GLIS3: variants seen among roughly 807,000 people sequenced by gnomAD.
The protein encoded by GLIS3 is GLIS family zinc finger 3.
GLIS3 carries 53 observed loss-of-function variants against 78.6 expected under a neutral mutation model. The observed-to-expected ratio is 0.67, with a 90% CI of 0.54 to 0.85. The LOEUF is 0.85. GLIS3 is among the 40% of genes least tolerant of loss of function. The pLI is 0.00. For missense variants in GLIS3, 1,703 were observed against 1,231.1 expected (o/e 1.38, Z -5.74); for synonymous variants, 684 against 509.9 (o/e 1.34, Z -4.60).
At chr9:3,874,114 G>C (rs1460762886) in intron 8 of GLIS3, among the ~76,000 whole-genome samples, 1 of 152,264 alleles carries the variant, frequency 6.6e-6, no homozygotes. Context: ...CTGCCTGAAA[G>C]AATGAGACTG....
intron 2 of GLIS3, among the ~76,000 whole-genome samples, chr9:4,248,888 T>A (rs1029279422): frequency 1.3e-5 from 2 of 152,214 alleles, no homozygotes; most frequent in African/African-American, 4.8e-5. Flanking sequence ...ATGTCTTCTT[T>A]TGAGAAGTGT....
chr9:4,317,231 T>C (rs55751086), intron 2 of GLIS3, among the ~76,000 whole-genome samples: 1,794 of 152,356 alleles, frequency 0.012, 36 homozygotes, highest in African/African-American at 0.041. Flanking sequence ...GATCAAGTTC[T>C]CTTGTACTTA....
chr9:4,478,063 T>C, the GLIS3 span, among the ~76,000 whole-genome samples: 5 of 152,172 alleles, frequency 3.3e-5, no homozygotes, highest in African/African-American at 1.2e-4. Flanking sequence ...CTGAACGCTT[T>C]AGAGAAATAA....
At chr9:4,154,672 A>G (rs1834921568) in intron 2 of GLIS3, among the ~76,000 whole-genome samples, 1 of 152,210 alleles carries the variant, frequency 6.6e-6, no homozygotes, top group Admixed American at 6.5e-5. Context: ...AATCTAGTAG[A>G]TAAGACATAA....
intron 7 of GLIS3, among the ~76,000 whole-genome samples, chr9:3,884,497 G>C (rs1234191273): frequency 6.6e-6 from 1 of 152,044 alleles, no homozygotes; most frequent in Non-Finnish European, 1.5e-5. Context: ...AAATCATCAA[G>C]GTAAAATACA....
chr9:4,382,713 C>T, the GLIS3 span, among the ~76,000 whole-genome samples: 13 of 152,196 alleles, frequency 8.5e-5, no homozygotes, highest in South Asian at 1.5e-3. Context: ...ACTATAGGGT[C>T]GAGACAGCAT....
intron 7 of GLIS3, chr9:3,898,387 TC>T (rs757681016): frequency 4.9e-6 from 2 of 405,408 alleles, no homozygotes; most frequent in East Asian, 5.5e-5. Flanking sequence ...AACATTTCCT[TC>T]GAGTCTAAAT....
chr9:4,165,351 G>GAACC (rs933482082), intron 2 of GLIS3, among the ~76,000 whole-genome samples: 1 of 152,188 alleles, frequency 6.6e-6, no homozygotes, highest in African/African-American at 2.4e-5. Context: ...TGAGGCAGGA[G>GAACC]AACCGCTTGA....
chr9:4,063,265 T>C (rs1826808824), intron 4 of GLIS3, among the ~76,000 whole-genome samples: 1 of 152,156 alleles, frequency 6.6e-6, no homozygotes, highest in Admixed American at 6.5e-5. Context: ...ATTTACCTTT[T>C]ATAAAACATG....
At chr9:3,930,385 G>T (rs1352590389) in intron 6 of GLIS3, among the ~76,000 whole-genome samples, 1 of 152,206 alleles carries the variant, frequency 6.6e-6, no homozygotes, top group Non-Finnish European at 1.5e-5. Flanking sequence ...CTCCTTGAAA[G>T]TATACTCTTC....
chr9:3,991,768 G>A (rs897802372), intron 4 of GLIS3, among the ~76,000 whole-genome samples: 6 of 140,534 alleles, frequency 4.3e-5, no homozygotes, highest in African/African-American at 7.9e-5. Flanking sequence ...TCGGCTCACT[G>A]CAAGCTCCGC....
rs143762391 is a variant in GLIS3, at chr9:3,876,693, G to GGGAGGGA, written c.2297+2733_2297+2734insTCCCTCC. 4.3e-3 allele frequency among the ~76,000 whole-genome samples: 2 copies of GGGAGGGA among 464 alleles called. 1 individual carries two copies. The highest frequency in any genetic ancestry group is 6.8e-3 in the Non-Finnish European group (2 of 292). The allele number at this position is 464 out of a possible 152,430, so 0.3% of individuals were successfully genotyped here. On this transcript the variant is annotated intron_variant, in intron 8 of 10. Coordinates refer to ENST00000381971, the MANE Select transcript of GLIS3 (RefSeq NM_001042413.2). ...GAAAGAAAGAGAAGGAAGGGAGGGA[G>GGGAGGGA]GGGAGGGAGGGGAAGGAAAGAAAGG...
intron 2 of GLIS3, among the ~76,000 whole-genome samples, chr9:4,163,097 C>A (rs1472882006): frequency 6.6e-6 from 1 of 152,188 alleles, no homozygotes; most frequent in East Asian, 1.9e-4. Flanking sequence ...ATCACCTCCA[C>A]TAGAAAATAA....
chr9:4,466,911 G>A, the GLIS3 span, among the ~76,000 whole-genome samples: 3 of 152,208 alleles, frequency 2.0e-5, no homozygotes, highest in African/African-American at 7.2e-5. Flanking sequence ...ATGGTACCTG[G>A]AAAATTGGAA....
At chr9:4,374,907 A>T in the GLIS3 span, among the ~76,000 whole-genome samples, 17 of 152,198 alleles carry the variant, frequency 1.1e-4, no homozygotes, top group East Asian at 5.8e-4. Context: ...CTGACAACTC[A>T]TCTCGAGCAT....
intron 4 of GLIS3, among the ~76,000 whole-genome samples, chr9:4,008,394 C>A (rs887028869): frequency 6.6e-6 from 1 of 152,184 alleles, no homozygotes; most frequent in East Asian, 1.9e-4. Context: ...TCCCTGCCCT[C>A]ATTCTGCACC....
intron 2 of GLIS3, among the ~76,000 whole-genome samples, chr9:4,239,087 T>C (rs1019303121): frequency 1.4e-5 from 2 of 148,106 alleles, no homozygotes; most frequent in African/African-American, 2.5e-5. Flanking sequence ...CAGTCTATCA[T>C]TGTTGGACAT....
chr9:4,479,506 T>C, the GLIS3 span, among the ~76,000 whole-genome samples: 3 of 152,122 alleles, frequency 2.0e-5, no homozygotes, highest in African/African-American at 7.2e-5. Flanking sequence ...GTAACAAATA[T>C]GCAAGTCTGT....
the GLIS3 span, among the ~76,000 whole-genome samples, chr9:4,450,585 G>C: frequency 6.6e-6 from 1 of 152,148 alleles, no homozygotes; most frequent in Non-Finnish European, 1.5e-5. Context: ...AAAATGTTAA[G>C]GGCAGCCAGA....
Sources: allele counts gnomAD v4.1 joint callset (sites outside exome capture counted in the v4.1 genomes callset), GRCh38; gene constraint gnomAD v4.1.1; transcripts MANE v1.5; gene names NCBI Gene and HGNC (gene_info 2026-07-23, HGNC 2026-07-21).